EPB41: variants seen among roughly 807,000 people sequenced by gnomAD.
EPB41 encodes protein 4.1.
EPB41 carries 65 observed loss-of-function variants against 108.0 expected under a neutral mutation model. That is an observed-to-expected ratio of 0.60 (90% CI 0.49 to 0.74). The LOEUF (loss-of-function observed/expected upper bound fraction) is 0.74, where lower values mean the gene tolerates loss of function less well. Ranked by LOEUF, EPB41 falls within the 30% of genes least tolerant of loss-of-function variation. EPB41 has a pLI of 0.00. For synonymous variants in EPB41, 336 were observed against 358.9 expected, an observed-to-expected ratio of 0.94 and a Z score of 0.72; for missense variants, 875 against 1,037.0, an observed-to-expected ratio of 0.84 and a Z score of 2.15.
chr1:28,979,749 G>GC (rs1015115530), intron 1 of EPB41, among the ~76,000 whole-genome samples: 2 of 150,542 alleles, frequency 1.3e-5, no homozygotes, highest in Non-Finnish European at 3.0e-5. Context: ...TACAATTCAT[G>GC]CCCCCATTGA....
intron 11 of EPB41, 142 bp from the exon 12 acceptor site, chr1:29,052,962 T>A (rs1644778711): frequency 1.1e-6 from 1 of 915,914 alleles, no homozygotes; most frequent in African/African-American, 1.6e-5. Context: ...AATGATTTAT[T>A]TTTTACCCTC....
At chr1:29,039,972 G>A (rs1558117566) in intron 11 of EPB41, among the ~76,000 whole-genome samples, 1 of 152,168 alleles carries the variant, frequency 6.6e-6, no homozygotes, top group Non-Finnish European at 1.5e-5. Context: ...ACCAGAATTA[G>A]AATTATAAAT....
intron 4 of EPB41, among the ~76,000 whole-genome samples, chr1:29,011,198 C>G (rs553722312): frequency 8.6e-5 from 13 of 150,836 alleles, no homozygotes; most frequent in Non-Finnish European, 1.8e-4. Context: ...AACCCCATCT[C>G]TACTAAAAAT....
chr1:29,078,094 C>T (rs1029457949), intron 16 of EPB41, among the ~76,000 whole-genome samples: 9 of 152,090 alleles, frequency 5.9e-5, no homozygotes, highest in Admixed American at 2.6e-4. Context: ...GGTATGGTGG[C>T]GCACGCCTAT....
At chr1:29,061,632 T>C (rs934094609) in intron 15 of EPB41, among the ~76,000 whole-genome samples, 85 of 128,110 alleles carry the variant, frequency 6.6e-4, no homozygotes, top group Non-Finnish European at 1.1e-3. Flanking sequence ...CAGGCTGGAG[T>C]GCAGTGGCTC....
chr1:29,016,454 G>A (rs2096580597), intron 6 of EPB41, among the ~76,000 whole-genome samples: 2 of 151,014 alleles, frequency 1.3e-5, no homozygotes, highest in Admixed American at 1.3e-4. Context: ...CTCCCAAAGT[G>A]CTGGTGTTAC....
chr1:29,037,842 CTTT>C (rs1460388566), intron 10 of EPB41, among the ~76,000 whole-genome samples: 2 of 151,980 alleles, frequency 1.3e-5, no homozygotes, highest in Non-Finnish European at 2.9e-5. Context: ...CCCAGTTTGC[CTTT>C]TTAAGAACGT....
chr1:28,913,184 C>T (rs947819017), upstream of EPB41, among the ~76,000 whole-genome samples: 163 of 152,144 alleles, frequency 1.1e-3, 1 homozygote, highest in Non-Finnish European at 2.1e-3. Flanking sequence ...CGCGGTGGCT[C>T]AAGCCTGTAA....
intron 8 of EPB41, among the ~76,000 whole-genome samples, chr1:29,030,950 G>A (rs2096781601): frequency 6.6e-6 from 1 of 151,964 alleles, no homozygotes; most frequent in Admixed American, 6.5e-5. Context: ...AGCCTCCTGA[G>A]TAGCTGGGAC....
chr1:28,888,414 A>G (rs1292155303), intron 1 of EPB41, among the ~76,000 whole-genome samples: 6 of 152,166 alleles, frequency 3.9e-5, no homozygotes, highest in Non-Finnish European at 8.8e-5. Context: ...TGGTCTTGGC[A>G]GGAGGCTGGG....
intron 4 of EPB41, among the ~76,000 whole-genome samples, chr1:29,008,022 T>A (rs893274844): frequency 1.3e-5 from 2 of 152,234 alleles, no homozygotes; most frequent in African/African-American, 4.8e-5. Context: ...TATACCTATT[T>A]AAATATATTA....
Position 29,015,753 on chromosome 1 carries a change from A to G in EPB41, c.891A>G (p.Thr297=). ...ATCCACCTGACCCAGCACAGTTAAC[A>G]GAAGACATAACAAGGTAAATAAGTA... is the stretch of plus-strand genomic sequence containing the variant. ...KFYPPDPAQL[T]EDITRYYLCL... is the part of the protein sequence containing the mutation. Residue 297 remains threonine (T), a synonymous_variant, in exon 6 of 21, where the codon ACA becomes ACG. Transcript: ENST00000343067. 2 of 1,599,434 alleles carry G rather than the reference A, an allele frequency of 1.3e-6. No individual in the cohort carries two copies. Among genetic ancestry groups the G allele is most frequent in the Non-Finnish European group, 1.7e-6 (2 of 1,167,198 alleles).
At chr1:28,900,780 A>C (rs74796876) in intron 1 of EPB41, among the ~76,000 whole-genome samples, 3 of 152,162 alleles carry the variant, frequency 2.0e-5, no homozygotes, top group African/African-American at 7.2e-5. Context: ...AGGCAAGTCC[A>C]TCAAGCACAC....
intron 7 of EPB41, among the ~76,000 whole-genome samples, chr1:29,027,091 C>CAA (rs535457087): frequency 4.0e-5 from 4 of 99,508 alleles, no homozygotes; most frequent in South Asian, 3.1e-4. Flanking sequence ...GACTCCATCT[C>CAA]AAAAAAAAAA....
At position 28,889,781 on chromosome 1, in the gene EPB41, C is replaced by A. The variant is rs975290160; in HGVS notation, c.-8+2571C>A. On this transcript the variant is annotated intron_variant, in intron 1 of 16. Transcript: ENST00000347529. ...GGAATCCTGAGCCCAGGTGTGGAAC[C>A]AAACCGAGCTTCATTCGGTTATTCT... 5 of 984,910 alleles carry A rather than the reference C, an allele frequency of 5.1e-6. No individual in the cohort carries two copies. The Admixed American group carries it at 3.1e-4, about 61-fold the overall frequency. The allele number at this position is 984,910 out of a possible 1,614,324, so 61.0% of individuals were successfully genotyped here. A position where few individuals can be genotyped will look rare whatever the true frequency, so the allele number is the denominator to read the frequency against.
intron 1 of EPB41, among the ~76,000 whole-genome samples, chr1:28,920,392 A>G (rs1028606077): frequency 1.3e-5 from 2 of 152,162 alleles, no homozygotes; most frequent in African/African-American, 4.8e-5. Context: ...CATCCTCCAC[A>G]AAAGTCACCC....
At position 28,987,698 on chromosome 1, in the gene EPB41, CA is replaced by C; in HGVS notation, c.265del (p.Arg89GlyfsTer14). ...TTTCACGACTATTCTCCTCGTTTCT[CA>C]AAAGGCCCAAATCTCAGGTGTCCGA... is the stretch of plus-strand genomic sequence containing the variant. Reference protein sequence around the residue: ...GLSRLFSSFLKRPKSQVSEEE... With the variant: ...GLSRLFSSFLXRPKSQVSEEE... On this transcript the variant is annotated frameshift_variant, in exon 2 of 21. Transcript: ENST00000343067. LOFTEE classifies it high-confidence loss of function. 6.2e-7 allele frequency: 1 copy of C among 1,614,114 alleles called. No homozygotes were observed. Among genetic ancestry groups the C allele is most frequent in the East Asian group, 2.2e-5 (1 of 44,882 alleles).
At chr1:29,003,131 T>G (rs1435658431) in intron 4 of EPB41, among the ~76,000 whole-genome samples, 1 of 152,230 alleles carries the variant, frequency 6.6e-6, no homozygotes, top group Non-Finnish European at 1.5e-5. Context: ...GTATATGTAC[T>G]GTCAATAAGC....
At chr1:29,021,050 A>G (rs1381430390) in intron 7 of EPB41, among the ~76,000 whole-genome samples, 2 of 152,222 alleles carry the variant, frequency 1.3e-5, no homozygotes, top group African/African-American at 4.8e-5. Flanking sequence ...GTTACATAAT[A>G]ATCATAATAA....
Sources: gnomAD v4.1 joint callset for allele counts (sites outside exome capture counted in the v4.1 genomes callset) on GRCh38, gnomAD v4.1.1 for gene constraint, MANE v1.5 for transcripts, NCBI Gene and HGNC (gene_info 2026-07-23, HGNC 2026-07-21) for gene names.